Variants in RFFL observed in about 807,000 individuals in gnomAD.
RFFL encodes the protein E3 ubiquitin-protein ligase rififylin.
A neutral mutation model predicts 40.4 loss-of-function variants in RFFL; 16 were observed. That is an observed-to-expected ratio of 0.40 (90% CI 0.27 to 0.60). The LOEUF is 0.60. Ranked by LOEUF, RFFL falls within the 20% of genes least tolerant of loss-of-function variation. The probability of loss-of-function intolerance (pLI) is 0.47; values close to 1 mark genes in which losing one functional copy is unlikely to be tolerated. For synonymous variants in RFFL, 154 were observed against 167.9 expected (o/e 0.92, Z 0.64); for missense variants, 367 against 451.7 (o/e 0.81, Z 1.70).
chr17:35,059,043 C>T (rs2091277101), intron 1 of RFFL, among the ~76,000 whole-genome samples: 3 of 128,514 alleles, frequency 2.3e-5, no homozygotes, highest in African/African-American at 9.1e-5. Context: ...TTTTTTGAGA[C>T]GGTCTCGCTC....
chr17:35,055,693 CAAACAAAA>C (rs2091257112), intron 1 of RFFL, among the ~76,000 whole-genome samples: 1 of 142,382 alleles, frequency 7.0e-6, no homozygotes, highest in African/African-American at 3.0e-5. Context: ...AACAAACAAA[CAAACAAAA>C]AAAAAACATT....
At chr17:35,020,852 C>T (rs2091004105) in intron 3 of RFFL, among the ~76,000 whole-genome samples, 1 of 152,188 alleles carries the variant, frequency 6.6e-6, no homozygotes, top group Non-Finnish European at 1.5e-5. Flanking sequence ...CATGCAAGTA[C>T]AGCGTGCCAA....
At chr17:35,035,425 T>A (rs559800426) in intron 1 of RFFL, among the ~76,000 whole-genome samples, 4 of 147,712 alleles carry the variant, frequency 2.7e-5, no homozygotes, top group East Asian at 3.9e-4. Context: ...AAAAAAAAAA[T>A]TGCCATTCTG....
chr17:35,027,830 C>T (rs566885361), intron 1 of RFFL, among the ~76,000 whole-genome samples: 9 of 151,296 alleles, frequency 5.9e-5, no homozygotes, highest in African/African-American at 2.2e-4. Context: ...GTCAGGAGTT[C>T]GACAGCAGCC....
At chr17:35,060,487 G>T (rs1246348402) in intron 1 of RFFL, among the ~76,000 whole-genome samples, 1 of 152,070 alleles carries the variant, frequency 6.6e-6, no homozygotes, top group African/African-American at 2.4e-5. Flanking sequence ...ATATGCTTTG[G>T]TATCAGACTA....
At chr17:35,079,763 G>A (rs1419341058) in intron 1 of RFFL, among the ~76,000 whole-genome samples, 1 of 152,102 alleles carries the variant, frequency 6.6e-6, no homozygotes, top group African/African-American at 2.4e-5. Context: ...ATGGCCAAGG[G>A]TACAACAGGA....
intron 1 of RFFL, among the ~76,000 whole-genome samples, chr17:35,050,697 G>A (rs2091226594): frequency 6.6e-6 from 1 of 152,080 alleles, no homozygotes; most frequent in Non-Finnish European, 1.5e-5. Flanking sequence ...ATAAAAGGAT[G>A]GAGGCCAGGC....
Position 35,009,755 on chromosome 17 carries a change from G to A in RFFL, c.*2213C>T, listed in dbSNP as rs1042402637. On this transcript the variant is annotated 3_prime_UTR_variant, in exon 7 of 7. Coordinates refer to ENST00000394597, the MANE Select transcript of RFFL (RefSeq NM_001017368.2). ...ATTATTTTCGATTTGTGTCTAGGAG[G>A]GAAACTGAAGAGGAGGTAAGGCTTC... 1.3e-5 allele frequency: 2 copies of A among 152,508 alleles called. No homozygotes were observed. Among genetic ancestry groups the A allele is most frequent in the Non-Finnish European group, 2.9e-5 (2 of 68,028 alleles). The allele number at this position is 152,508 out of a possible 1,614,324, so 9.4% of individuals were successfully genotyped here.
chr17:35,021,827 C>A, intron 2 of RFFL, 46 bp from the exon 3 acceptor site: 2 of 1,601,208 alleles, frequency 1.2e-6, no homozygotes, highest in Middle Eastern at 3.3e-4. Context: ...ATTGAGAGAA[C>A]AAGACAGAGA....
intron 1 of RFFL, among the ~76,000 whole-genome samples, chr17:35,071,785 C>CATAATGGTAACTGGTATA (rs1369098478): frequency 2.0e-5 from 3 of 152,086 alleles, no homozygotes; most frequent in African/African-American, 7.2e-5. Context: ...CTGTAATAGC[C>CATAATGGTAACTGGTATA]CCAAACTGGT....
At position 35,006,048 on chromosome 17, in the gene RFFL, A is replaced by G. The variant is rs2090893287; in HGVS notation, c.*5920T>C. On this transcript the variant is annotated 3_prime_UTR_variant, in exon 7 of 7. Coordinates refer to ENST00000394597, the MANE Select transcript of RFFL (RefSeq NM_001017368.2). The stretch of plus-strand genomic sequence containing the variant: ...GAAAATATACTCCATATCTGCAGGG[A>G]AAAAAATAAAAATCCACACCTGAGA... 4.2e-6 allele frequency: 1 copy of G among 235,364 alleles called. No individual in the cohort carries two copies. The highest frequency in any genetic ancestry group is 2.3e-5 in the African/African-American group (1 of 43,146). The allele number at this position is 235,364 out of a possible 1,614,324, so 14.6% of individuals were successfully genotyped here. A position where few individuals can be genotyped will look rare whatever the true frequency, so the allele number is the denominator to read the frequency against.
rs141183438 is a variant in RFFL at position 35,015,378 on chromosome 17, A to G, written c.887-615T>C. ...TTTTGAAGTCAGCATTAAAGTCAAG[A>G]AAGAATGAACTATCTAGCTGTTTCA... is the stretch of plus-strand genomic sequence containing the variant. On this transcript the variant is annotated intron_variant, in intron 5 of 6. Coordinates refer to ENST00000394597, the MANE Select transcript of RFFL (RefSeq NM_001017368.2). Among the ~76,000 whole-genome samples the G allele has an allele frequency of 8.7e-3, 1,319 of 152,382 alleles. 11 individuals carry two copies. In the Middle Eastern group the frequency reaches 0.1, roughly 12 times the overall value.
rs2090935705 is a variant in RFFL at position 35,011,167 on chromosome 17, A to C, written c.*801T>G. On this transcript the variant is annotated 3_prime_UTR_variant, in exon 7 of 7. Coordinates refer to ENST00000394597, the MANE Select transcript of RFFL (RefSeq NM_001017368.2). ...CTTCCCCTTTCCGCATAAACTAAGG[A>C]TGGTGCAAATCAGGTCCCAAGAGAA... 6.6e-6 allele frequency: 1 copy of C among 152,206 alleles called. No homozygotes were observed. Among genetic ancestry groups the C allele is most frequent in the South Asian group, 2.1e-4 (1 of 4,834 alleles). 9.4% of individuals were successfully genotyped at this position (152,206 alleles called of 1,614,324 possible). A position where few individuals can be genotyped will look rare whatever the true frequency, so the allele number is the denominator to read the frequency against.
In RFFL at chr17:35,011,956, C is replaced by G; in HGVS notation, c.*12G>C. On this transcript the variant is annotated 3_prime_UTR_variant, in exon 7 of 7. Coordinates refer to ENST00000394597, the MANE Select transcript of RFFL (RefSeq NM_001017368.2). ...TTTCCCTGTAAGGCACTGAAGAAAC[C>G]GATGCAAGCTCTCAGGACCGGAAGA... is the stretch of plus-strand genomic sequence containing the variant. The G allele has an allele frequency of 6.2e-7, 1 of 1,612,726 alleles. No individual in the cohort carries two copies. Among genetic ancestry groups the G allele is most frequent in the Non-Finnish European group, 8.5e-7 (1 of 1,179,314 alleles).
intron 1 of RFFL, among the ~76,000 whole-genome samples, chr17:35,027,389 T>C (rs2091048981): frequency 6.6e-6 from 1 of 152,304 alleles, no homozygotes; most frequent in African/African-American, 2.4e-5. Flanking sequence ...GCTCAACAAA[T>C]ATTTGCTTCC....
At chr17:35,073,059 GA>G (rs1488564852) in intron 1 of RFFL, among the ~76,000 whole-genome samples, 1 of 134,908 alleles carries the variant, frequency 7.4e-6, no homozygotes, top group Non-Finnish European at 1.6e-5. Context: ...AAAAAAACAT[GA>G]AATTATTCAG....
intron 6 of RFFL, 37 bp from the exon 7 acceptor site, chr17:35,012,186 G>A (rs746977054): frequency 5.7e-6 from 9 of 1,590,672 alleles, no homozygotes; most frequent in Non-Finnish European, 6.9e-6. Flanking sequence ...AAGGGGCAGA[G>A]GAGTGAGGAG....
intron 1 of RFFL, among the ~76,000 whole-genome samples, chr17:35,027,126 C>T (rs947765462): frequency 6.6e-6 from 1 of 152,226 alleles, no homozygotes; most frequent in Admixed American, 6.5e-5. Flanking sequence ...GGTCTTCTGA[C>T]TCCAAACCTA....
intron 1 of RFFL, among the ~76,000 whole-genome samples, chr17:35,031,107 A>T (rs764405207): frequency 6.6e-6 from 1 of 151,974 alleles, no homozygotes; most frequent in Non-Finnish European, 1.5e-5. Context: ...GTTGTAGGCA[A>T]TTCACTAACT....
Sources: gnomAD v4.1 joint callset for allele counts (sites outside exome capture counted in the v4.1 genomes callset) on GRCh38, gnomAD v4.1.1 for gene constraint, MANE v1.5 for transcripts, NCBI Gene and HGNC (gene_info 2026-07-23, HGNC 2026-07-21) for gene names.